GFOD2: variants seen among roughly 807,000 people sequenced by gnomAD.
The protein encoded by GFOD2 is Gfo/Idh/MocA-like oxidoreductase domain containing 2, also known as glucose-fructose oxidoreductase domain-containing protein 2.
In GFOD2, 9 loss-of-function variants were observed where a neutral mutation model predicts 24.6. The observed-to-expected ratio is 0.37, with a 90% CI of 0.22 to 0.64. GFOD2 has a LOEUF of 0.64. Ranked by LOEUF, GFOD2 falls within the 30% of genes least tolerant of loss-of-function variation. The probability of loss-of-function intolerance (pLI) is 0.65; values close to 1 mark genes in which losing one functional copy is unlikely to be tolerated. For synonymous variants in GFOD2, 211 were observed against 224.8 expected (o/e 0.94, Z 0.55); for missense variants, 476 against 532.5 (o/e 0.89, Z 1.04).
At chr16:67,719,092 CTGTCGG>C in intron 1 of GFOD2, 65 bp downstream of exon 1, 1 of 152,312 alleles carries the variant, frequency 6.6e-6, no homozygotes, top group East Asian at 1.9e-4. Context: ...GGAGAAGGCC[CTGTCGG>C]CGCCCGCTCC....
In GFOD2 at chr16:67,675,342, C is replaced by T. The variant is rs566812138; in HGVS notation, c.971G>A (p.Arg324His). 33 of 1,613,106 alleles carry T rather than the reference C, an allele frequency of 2.0e-5. No homozygotes were observed. In the African/African-American group the frequency reaches 2.8e-4, roughly 14 times the overall value. ...LRQSFQGQGD[R>H]RTWDRTPVSM... is the part of the protein sequence containing the mutation. The stretch of plus-strand genomic sequence containing the variant: ...GACAGGGGTGCGGTCCCAGGTGCGG[C>T]GGTCGCCCTGCCCCTGGAAGGACTG... Residue 324 changes from arginine (R) to histidine (H), a missense_variant, in exon 3 of 3, where the codon CGC becomes CAC. Coordinates refer to ENST00000268797, the MANE Select transcript of GFOD2 (RefSeq NM_030819.4).
At chr16:67,697,980 C>T (rs2053370470) in intron 1 of GFOD2, among the ~76,000 whole-genome samples, 1 of 152,172 alleles carries the variant, frequency 6.6e-6, no homozygotes, top group South Asian at 2.1e-4. Context: ...TCTTGGTCTG[C>T]TCCTCCTTCC....
chr16:67,682,023 GTTTTC>G (rs2053229088), intron 2 of GFOD2: 4 of 313,546 alleles, frequency 1.3e-5, no homozygotes, highest in African/African-American at 9.0e-5. Context: ...CTACAAAAAT[GTTTTC>G]TTTTTACTTT....
intron 1 of GFOD2, among the ~76,000 whole-genome samples, chr16:67,703,995 T>C (rs2142996789): frequency 6.6e-6 from 1 of 152,342 alleles, no homozygotes; most frequent in Non-Finnish European, 1.5e-5. Context: ...TCAAGGTTCA[T>C]CCATGTTGTA....
chr16:67,679,938 C>T (rs2053212811), intron 2 of GFOD2, among the ~76,000 whole-genome samples: 1 of 150,710 alleles, frequency 6.6e-6, no homozygotes, highest in Non-Finnish European at 1.5e-5. Context: ...CTTGCTTTGT[C>T]ACTTAGCTGG....
intron 2 of GFOD2, chr16:67,685,013 C>T (rs1362232939): frequency 1.3e-5 from 14 of 1,057,738 alleles, no homozygotes; most frequent in South Asian, 3.5e-5. Flanking sequence ...AGGGTGTGTG[C>T]TCACTATAGT....
intron 1 of GFOD2, among the ~76,000 whole-genome samples, chr16:67,717,695 G>A (rs1307805630): frequency 6.6e-6 from 1 of 152,146 alleles, no homozygotes; most frequent in Non-Finnish European, 1.5e-5. Flanking sequence ...GGAGGTTGAG[G>A]CCAGAGAATC....
intron 1 of GFOD2, among the ~76,000 whole-genome samples, chr16:67,699,513 T>G (rs1434784837): frequency 6.6e-6 from 1 of 152,126 alleles, no homozygotes; most frequent in Non-Finnish European, 1.5e-5. Context: ...AGACAGAGTC[T>G]CACTCTGTCA....
chr16:67,683,680 T>A, intron 2 of GFOD2: 1 of 1,231,320 alleles, frequency 8.1e-7, no homozygotes, highest in Non-Finnish European at 1.0e-6. Context: ...CATTTATCCT[T>A]CCCTACCCAC....
intron 2 of GFOD2, chr16:67,681,462 C>T: frequency 2.1e-6 from 2 of 948,008 alleles, no homozygotes; most frequent in South Asian, 4.9e-5. Flanking sequence ...GCTTTGTTAC[C>T]CAGTGGTATA....
chr16:67,693,994 T>C (rs1259543271), intron 1 of GFOD2, among the ~76,000 whole-genome samples: 4 of 147,412 alleles, frequency 2.7e-5, no homozygotes, highest in African/African-American at 9.9e-5. Flanking sequence ...AGGACATACT[T>C]TTTTTTTTTT....
intron 1 of GFOD2, among the ~76,000 whole-genome samples, chr16:67,691,119 C>T (rs1306734262): frequency 6.6e-6 from 1 of 152,132 alleles, no homozygotes; most frequent in Non-Finnish European, 1.5e-5. Context: ...CTGCCTTAGC[C>T]TCCCAAAGTG....
In GFOD2 at chr16:67,676,058, C is replaced by T; in HGVS notation, c.260-5G>A. 2.5e-6 allele frequency: 4 copies of T among 1,578,958 alleles called. No homozygotes were observed. Among genetic ancestry groups the T allele is most frequent in the Non-Finnish European group, 3.5e-6 (4 of 1,159,156 alleles). ...AAACCACATTCTTCCCAATACCTAA[C>T]AACAGGACACAACAGGAAATCTCAA... On this transcript the variant is annotated splice_region_variant and splice_polypyrimidine_tract_variant and intron_variant, in intron 2 of 2. Coordinates refer to ENST00000268797, the MANE Select transcript of GFOD2 (RefSeq NM_030819.4).
At chr16:67,698,292 T>C (rs2053372729) in intron 1 of GFOD2, among the ~76,000 whole-genome samples, 2 of 152,168 alleles carry the variant, frequency 1.3e-5, no homozygotes, top group African/African-American at 2.4e-5. Flanking sequence ...TCATTGCACC[T>C]AGGGTGGGGA....
intron 2 of GFOD2, chr16:67,681,854 T>C: frequency 1.0e-6 from 1 of 985,124 alleles, no homozygotes; most frequent in Non-Finnish European, 1.2e-6. Context: ...TTTATCTAGC[T>C]CTCCTGCCAG....
At chr16:67,676,265 C>A in intron 2 of GFOD2, 1 of 584,654 alleles carries the variant, frequency 1.7e-6, no homozygotes, top group East Asian at 2.9e-5. Context: ...CTAAGTGGGA[C>A]CACAGGTGTG....
intron 1 of GFOD2, among the ~76,000 whole-genome samples, chr16:67,715,910 AG>A (rs2053503031): frequency 6.6e-6 from 1 of 152,014 alleles, no homozygotes; most frequent in African/African-American, 2.4e-5. Context: ...CAGGAGGCTG[AG>A]GTGGGAGGAT....
At chr16:67,694,826 C>T (rs2053346125) in intron 1 of GFOD2, among the ~76,000 whole-genome samples, 1 of 152,120 alleles carries the variant, frequency 6.6e-6, no homozygotes, top group African/African-American at 2.4e-5. Context: ...CTGCCAATTT[C>T]GTGCCTCTTG....
chr16:67,683,426 G>A lies in GFOD2; in HGVS notation c.259+2031C>T, dbSNP rs951159678. On this transcript the variant is annotated intron_variant, in intron 2 of 2. Transcript: ENST00000268797. The stretch of plus-strand genomic sequence containing the variant: ...CACAAGGGATGGCAAGGAGTCAAGT[G>A]ACCAATAGCGGCTTGCTTCCCCTTG... 3.3e-6 allele frequency: 4 copies of A among 1,229,352 alleles called. No homozygotes were observed. In the African/African-American group the frequency reaches 6.2e-5, roughly 19 times the overall value. The allele number at this position is 1,229,352 out of a possible 1,614,324, so 76.2% of individuals were successfully genotyped here.
Sources: gnomAD v4.1 joint callset for allele counts (sites outside exome capture counted in the v4.1 genomes callset) on GRCh38, gnomAD v4.1.1 for gene constraint, MANE v1.5 for transcripts, NCBI Gene and HGNC (gene_info 2026-07-23, HGNC 2026-07-21) for gene names.